Variants in GAPVD1 observed in about 807,000 individuals in gnomAD.
GAPVD1 encodes GTPase-activating protein and VPS9 domain-containing protein 1.
Under a neutral mutation model 155.5 loss-of-function variants are expected in GAPVD1, and 35 were observed. That is an observed-to-expected ratio of 0.23 (90% CI 0.17 to 0.30). The LOEUF (loss-of-function observed/expected upper bound fraction) is 0.30. GAPVD1 is among the 10% of genes least tolerant of loss of function. GAPVD1 has a pLI of 1.00. For missense variants in GAPVD1, 1,429 were observed against 1,775.7 expected (o/e 0.80, Z 3.51); for synonymous variants, 636 against 619.7 (o/e 1.03, Z -0.39).
At chr9:125,339,404 A>G (rs1420143617) in intron 17 of GAPVD1, among the ~76,000 whole-genome samples, 2 of 152,200 alleles carry the variant, frequency 1.3e-5, no homozygotes, top group Non-Finnish European at 2.9e-5. Flanking sequence ...CTTTTGATGC[A>G]CTGCTACTAT....
At chr9:125,268,103 G>C (rs1834272565) in intron 1 of GAPVD1, among the ~76,000 whole-genome samples, 1 of 151,606 alleles carries the variant, frequency 6.6e-6, no homozygotes, top group African/African-American at 2.4e-5. Flanking sequence ...GGCTGGGGTT[G>C]TAGTGAGCCG....
At chr9:125,335,234 A>G in intron 15 of GAPVD1, 1 of 767,884 alleles carries the variant, frequency 1.3e-6, no homozygotes, top group South Asian at 1.4e-5. Flanking sequence ...AGCAGACATG[A>G]GAATCCAGCT....
intron 12 of GAPVD1, among the ~76,000 whole-genome samples, chr9:125,329,001 CAGTCGCAGGCACTCG>C (rs951305789): frequency 4.7e-5 from 7 of 149,964 alleles, no homozygotes; most frequent in Admixed American, 3.3e-4. Context: ...CGCGTGCCTG[CAGTCGCAGGCACTCG>C]GCAGGCTGAG....
intron 15 of GAPVD1, chr9:125,336,609 A>C (rs1376190445): frequency 6.2e-6 from 1 of 162,272 alleles, no homozygotes; most frequent in African/African-American, 2.4e-5. Context: ...TGGCCTCCCA[A>C]AGCACTGGGA....
intron 15 of GAPVD1, among the ~76,000 whole-genome samples, chr9:125,334,568 T>G (rs933632874): frequency 6.6e-6 from 1 of 152,272 alleles, no homozygotes; most frequent in Non-Finnish European, 1.5e-5. Context: ...GTATTTCTTA[T>G]GAATACGTAA....
At chr9:125,272,849 G>C (rs1416343127) in intron 2 of GAPVD1, among the ~76,000 whole-genome samples, 1 of 152,134 alleles carries the variant, frequency 6.6e-6, no homozygotes, top group African/African-American at 2.4e-5. Flanking sequence ...AATTTTGAGG[G>C]TGGACTCTTG....
chr9:125,361,056 G>A (rs149711621), intron 27 of GAPVD1, among the ~76,000 whole-genome samples: 1 of 152,138 alleles, frequency 6.6e-6, no homozygotes, highest in African/African-American at 2.4e-5. Flanking sequence ...TAGAGACAGG[G>A]TTTCGCCATG....
chr9:125,349,336 A>G, intron 20 of GAPVD1, 54 bp from the exon 21 acceptor site: 1 of 1,536,804 alleles, frequency 6.5e-7, no homozygotes, highest in Admixed American at 1.7e-5. Flanking sequence ...TACTAGTGCC[A>G]TAATATTCCA....
At chr9:125,356,482 T>G (rs1850103818) in intron 25 of GAPVD1, among the ~76,000 whole-genome samples, 1 of 152,128 alleles carries the variant, frequency 6.6e-6, no homozygotes, top group East Asian at 1.9e-4. Context: ...AATTCTCCCC[T>G]GTTCTTTTTT....
At chr9:125,275,531 T>C (rs1835632121) in intron 2 of GAPVD1, among the ~76,000 whole-genome samples, 2 of 152,174 alleles carry the variant, frequency 1.3e-5, no homozygotes, top group African/African-American at 2.4e-5. Context: ...GGTGGATTGC[T>C]TGAGCCCAGG....
chr9:125,330,855 G>A (rs1845965386), intron 13 of GAPVD1, among the ~76,000 whole-genome samples: 1 of 152,166 alleles, frequency 6.6e-6, no homozygotes, highest in Non-Finnish European at 1.5e-5. Context: ...GATAAGAGTA[G>A]CAACACAGTT....
chr9:125,312,200 G>C (rs564005338), intron 8 of GAPVD1, among the ~76,000 whole-genome samples: 1 of 152,144 alleles, frequency 6.6e-6, no homozygotes, highest in East Asian at 1.9e-4. Flanking sequence ...CATCTGTGTG[G>C]CACTTCCTGT....
At chr9:125,350,509 C>T (rs1849141015) in intron 22 of GAPVD1, 105 bp downstream of exon 22, 1 of 794,776 alleles carries the variant, frequency 1.3e-6, no homozygotes, top group Non-Finnish European at 2.2e-6. Flanking sequence ...CCATATGGTT[C>T]AACTTAATAT....
intron 10 of GAPVD1, among the ~76,000 whole-genome samples, chr9:125,322,539 A>G (rs1256120085): frequency 6.6e-6 from 1 of 152,182 alleles, no homozygotes; most frequent in African/African-American, 2.4e-5. Flanking sequence ...TTTTGTTGAT[A>G]GCAGTTGACG....
At chr9:125,336,145 CAAAA>C (rs770093537) in intron 15 of GAPVD1, among the ~76,000 whole-genome samples, 1 of 69,248 alleles carries the variant, frequency 1.4e-5, no homozygotes, top group African/African-American at 4.7e-5. Context: ...ACTTTGTCTC[CAAAA>C]AAAAAAAAAA....
chr9:125,269,553 G>C lies in GAPVD1; in HGVS notation c.-150+569G>C, dbSNP rs371634369. On this transcript the variant is annotated intron_variant, in intron 2 of 27. Coordinates refer to ENST00000297933, the MANE Select transcript of GAPVD1 (RefSeq NM_001282680.3). ...CGCCCAGGCTGGAGTGCAGCCTCCCGAGTAGCTGGGATTACAGGTGCTACC... is the reference window on the plus strand; with the variant it reads ...CGCCCAGGCTGGAGTGCAGCCTCCCCAGTAGCTGGGATTACAGGTGCTACC... 6.8e-4 allele frequency among the ~76,000 whole-genome samples: 103 copies of C among 150,918 alleles called. No homozygotes were observed. In the Middle Eastern group the frequency reaches 0.01, roughly 15 times the overall value.
At position 125,362,926 on chromosome 9, in the gene GAPVD1, T is replaced by G; in HGVS notation, c.*180T>G. The stretch of plus-strand genomic sequence containing the variant: ...GCTAACAAGCAGGTTCTCTCGTCTT[T>G]GGGCTCTTTCCTTTCTGAGTTGCAT... On this transcript the variant is annotated 3_prime_UTR_variant, in exon 28 of 28. Coordinates refer to ENST00000297933, the MANE Select transcript of GAPVD1 (RefSeq NM_001282680.3). 4.8e-6 allele frequency: 2 copies of G among 420,016 alleles called. No individual in the cohort carries two copies. The highest frequency in any genetic ancestry group is 4.2e-6 in the Non-Finnish European group (1 of 239,080). 26.0% of individuals were successfully genotyped at this position (420,016 alleles called of 1,614,324 possible).
chr9:125,273,800 AC>A (rs1023064292), intron 2 of GAPVD1, among the ~76,000 whole-genome samples: 1 of 152,014 alleles, frequency 6.6e-6, no homozygotes. Flanking sequence ...CCACGGTGCA[AC>A]AAGCTAGTGG....
At chr9:125,301,196 A>G (rs1161293132) in intron 4 of GAPVD1, among the ~76,000 whole-genome samples, 1 of 151,794 alleles carries the variant, frequency 6.6e-6, no homozygotes, top group African/African-American at 2.4e-5. Flanking sequence ...CAGCCTCCTG[A>G]GTGCTGGGCC....
Sources: allele counts gnomAD v4.1 joint callset (sites outside exome capture counted in the v4.1 genomes callset), GRCh38; gene constraint gnomAD v4.1.1; transcripts MANE v1.5; gene names NCBI Gene and HGNC (gene_info 2026-07-23, HGNC 2026-07-21).